The following YAF2 variants were observed in gnomAD, a reference collection of about 807,000 sequenced individuals.
YAF2 encodes the protein YY1 associated factor 2.
In YAF2, 7 loss-of-function variants were observed where a neutral mutation model predicts 20.1. The ratio of observed to expected loss-of-function variants is 0.35; its 90% confidence interval spans 0.20 to 0.65. YAF2 has a LOEUF of 0.65. YAF2 is among the 30% of genes least tolerant of loss of function. The pLI is 0.69. For missense variants in YAF2, 151 were observed against 219.2 expected, an observed-to-expected ratio of 0.69 and a Z score of 1.96; for synonymous variants, 74 against 76.0, an observed-to-expected ratio of 0.97 and a Z score of 0.14.
rs2066117641 is a variant in YAF2 at position 42,174,007 on chromosome 12, ACCT to A, written c.153-12245_153-12243del. Among the ~76,000 whole-genome samples the A allele has an allele frequency of 2.0e-5, 3 of 149,528 alleles. No homozygotes were observed. In the South Asian group the frequency reaches 6.4e-4, roughly 32 times the overall value. ...TCTCCAGGACACACTCCTGCCACTG[ACCT>A]CCTTTGTTTCCTGCTTAAACAATAT... is the stretch of plus-strand genomic sequence containing the variant. On this transcript the variant is annotated intron_variant, in intron 2 of 3. Transcript: ENST00000534854.
At chr12:42,197,886 C>T (rs1030288681) in intron 2 of YAF2, among the ~76,000 whole-genome samples, 23 of 152,136 alleles carry the variant, frequency 1.5e-4, no homozygotes, top group African/African-American at 5.3e-4. Flanking sequence ...AACTGTCCCT[C>T]ATCTAGGACA....
At chr12:42,237,424 G>A (rs1461209691) in intron 2 of YAF2, 175 bp downstream of exon 2, 4 of 1,292,468 alleles carry the variant, frequency 3.1e-6, no homozygotes, top group Non-Finnish European at 3.0e-6. Flanking sequence ...ACCCCTCACC[G>A]CAAACCATCG....
rs75337280 is a variant in YAF2, at chr12:42,233,202, T to C, written c.152+4397A>G. The C allele has an allele frequency of 2.3e-3, 2,247 of 985,418 alleles. 39 individuals carry two copies. The African/African-American group carries it at 0.037, about 16-fold the overall frequency. 61.0% of individuals were successfully genotyped at this position (985,418 alleles called of 1,614,324 possible). A position where few individuals can be genotyped will look rare whatever the true frequency, so the allele number is the denominator to read the frequency against. On this transcript the variant is annotated intron_variant, in intron 2 of 3. Transcript: ENST00000534854. ...TCTTTCTACTATGTGAAATCTTTTT[T>C]ATAGCTCTCTAAAATAACACCTATG...
intron 2 of YAF2, chr12:42,233,257 C>T: frequency 1.0e-6 from 1 of 985,380 alleles, no homozygotes; most frequent in Non-Finnish European, 1.2e-6. Flanking sequence ...ATAATATCCT[C>T]TAACAAAATG....
chr12:42,207,845 C>A (rs1233894645), intron 2 of YAF2, among the ~76,000 whole-genome samples: 2 of 151,740 alleles, frequency 1.3e-5, no homozygotes, highest in African/African-American at 4.8e-5. Flanking sequence ...GAGCCGAGAT[C>A]GTGCCACTGC....
intron 2 of YAF2, chr12:42,210,831 T>C: frequency 1.7e-6 from 1 of 584,228 alleles, no homozygotes; most frequent in East Asian, 3.1e-5. Flanking sequence ...AGTGGAAACT[T>C]CTCACATTAT....
At chr12:42,192,290 C>T (rs760151191) in intron 2 of YAF2, among the ~76,000 whole-genome samples, 1 of 152,012 alleles carries the variant, frequency 6.6e-6, no homozygotes, top group African/African-American at 2.4e-5. Flanking sequence ...GGAGGATCTC[C>T]TGAGCCCAGG....
At chr12:42,187,898 G>A (rs1349421922) in intron 2 of YAF2, among the ~76,000 whole-genome samples, 1 of 152,102 alleles carries the variant, frequency 6.6e-6, no homozygotes, top group Non-Finnish European at 1.5e-5. Context: ...TTTACTCCTG[G>A]ATCATTCACT....
At position 42,219,564 on chromosome 12, in the gene YAF2, T is replaced by C. The variant is rs115263502; in HGVS notation, c.152+18035A>G. ...TAGACACAGAGAGATGCCCACATAC[T>C]CACATTCCTGTACACATATGCATGC... On this transcript the variant is annotated intron_variant, in intron 2 of 3. Coordinates refer to ENST00000534854, the MANE Select transcript of YAF2 (RefSeq NM_005748.6). Among the ~76,000 whole-genome samples, 1,269 of 152,104 alleles carry C rather than the reference T, an allele frequency of 8.3e-3. 19 individuals carry two copies. Among genetic ancestry groups the C allele is most frequent in the African/African-American group, 0.029 (1,207 of 41,468 alleles).
At position 42,183,112 on chromosome 12, in the gene YAF2, A is replaced by C. The variant is rs544738549; in HGVS notation, c.153-21347T>G. Among the ~76,000 whole-genome samples, 7 of 152,240 alleles carry C rather than the reference A, an allele frequency of 4.6e-5. No individual in the cohort carries two copies. In the South Asian group the frequency reaches 1.5e-3, roughly 32 times the overall value. Reference sequence around the variant, plus strand: ...TGTTACTGCTGTCATTGTTTTGAGGAGCCAAGGCCCACACCTGTATATGAC... The same window carrying C: ...TGTTACTGCTGTCATTGTTTTGAGGCGCCAAGGCCCACACCTGTATATGAC... On this transcript the variant is annotated intron_variant, in intron 2 of 3. Coordinates refer to ENST00000534854, the MANE Select transcript of YAF2 (RefSeq NM_005748.6).
chr12:42,226,337 TA>T (rs2067694977), intron 2 of YAF2, among the ~76,000 whole-genome samples: 1 of 152,226 alleles, frequency 6.6e-6, no homozygotes, highest in Admixed American at 6.5e-5. Flanking sequence ...TTAAAAATGC[TA>T]AGGTGTTCAT....
In YAF2 at chr12:42,166,852, A is replaced by C. The variant is rs2065927483; in HGVS notation, c.153-5087T>G. 2.6e-5 allele frequency among the ~76,000 whole-genome samples: 4 copies of C among 151,982 alleles called. No homozygotes were observed. The South Asian group carries it at 8.3e-4, about 32-fold the overall frequency. On this transcript the variant is annotated intron_variant, in intron 2 of 3. Transcript: ENST00000534854. ...GTTAAAAAAAAAAAAAAGGAGGGCAAAGACTACAAAAATACTGTCTCTACA... is the reference window on the plus strand; with the variant it reads ...GTTAAAAAAAAAAAAAAGGAGGGCACAGACTACAAAAATACTGTCTCTACA...
intron 2 of YAF2, chr12:42,233,087 C>G (rs1033093317): frequency 1.0e-6 from 1 of 985,350 alleles, no homozygotes; most frequent in Non-Finnish European, 1.2e-6. Flanking sequence ...GCTCAATAAA[C>G]ATTTGCTGAA....
intron 2 of YAF2, among the ~76,000 whole-genome samples, chr12:42,180,819 G>A (rs970524927): frequency 1.5e-4 from 23 of 152,104 alleles, no homozygotes; most frequent in African/African-American, 4.8e-4. Context: ...GTGGTGGTGC[G>A]TGCCTATAAT....
intron 2 of YAF2, among the ~76,000 whole-genome samples, chr12:42,168,775 T>C (rs530264215): frequency 1.3e-5 from 2 of 152,146 alleles, no homozygotes; most frequent in Non-Finnish European, 2.9e-5. Context: ...TATTTGCACA[T>C]TTACATGTCA....
chr12:42,202,103 T>A (rs1335658641), intron 2 of YAF2, among the ~76,000 whole-genome samples: 2 of 152,088 alleles, frequency 1.3e-5, no homozygotes, highest in Non-Finnish European at 2.9e-5. Flanking sequence ...GAGATCTAGT[T>A]TCCCCCCCCA....
At chr12:42,209,978 C>T (rs2067159941) in intron 2 of YAF2, among the ~76,000 whole-genome samples, 1 of 152,060 alleles carries the variant, frequency 6.6e-6, no homozygotes, top group Non-Finnish European at 1.5e-5. Flanking sequence ...TTCTATTTTT[C>T]GTAGAGACAG....
chr12:42,166,854 GACTACAAAA>G (rs2065927571), intron 2 of YAF2, among the ~76,000 whole-genome samples: 1 of 150,256 alleles, frequency 6.7e-6, no homozygotes, highest in Non-Finnish European at 1.5e-5. Flanking sequence ...GGAGGGCAAA[GACTACAAAA>G]ATACTGTCTC....
chr12:42,182,384 T>C (rs1049303180), intron 2 of YAF2, among the ~76,000 whole-genome samples: 1 of 152,054 alleles, frequency 6.6e-6, no homozygotes, highest in Non-Finnish European at 1.5e-5. Context: ...GAAAAAAAAA[T>C]CAATCAGCTT....
Sources: gnomAD v4.1 joint callset for allele counts (sites outside exome capture counted in the v4.1 genomes callset) on GRCh38, gnomAD v4.1.1 for gene constraint, MANE v1.5 for transcripts, NCBI Gene and HGNC (gene_info 2026-07-23, HGNC 2026-07-21) for gene names.